The following ZMAT3 variants were observed in gnomAD, a reference collection of about 807,000 sequenced individuals.
ZMAT3 encodes the protein zinc finger matrin-type 3.
Under a neutral mutation model 32.3 loss-of-function variants are expected in ZMAT3, and 17 were observed. The ratio of observed to expected loss-of-function variants is 0.53; its 90% CI spans 0.36 to 0.79. The LOEUF is 0.79. Among genes scored for constraint, ZMAT3 ranks in the 30% least tolerant of loss-of-function variants. ZMAT3 has a pLI of 0.00. For missense variants in ZMAT3, 329 were observed against 359.7 expected (o/e 0.91, Z 0.69); for synonymous variants, 120 against 133.1 (o/e 0.90, Z 0.68).
chr3:179,045,232 C>T (rs1201948249), intron 2 of ZMAT3, among the ~76,000 whole-genome samples: 2 of 152,040 alleles, frequency 1.3e-5, no homozygotes, highest in African/African-American at 2.4e-5. Context: ...AAGTCTGGAA[C>T]AAAGTGGCTC....
chr3:179,032,008 C>A (rs1576841950), intron 2 of ZMAT3, among the ~76,000 whole-genome samples: 1 of 23,404 alleles, frequency 4.3e-5, no homozygotes, highest in African/African-American at 2.4e-4. Context: ...TCCCCCTCCC[C>A]CTCCTCCTCC....
At position 179,027,774 on chromosome 3, in the gene ZMAT3, G is replaced by T. The variant is rs376039062; in HGVS notation, c.429C>A (p.Ala143=). 4 of 1,613,644 alleles carry T rather than the reference G, an allele frequency of 2.5e-6. No homozygotes were observed. In the African/African-American group the frequency reaches 5.3e-5, roughly 22 times the overall value. ...SFKPGGRVIL[A]TENDYCKLCD... ...AGAGCTTACAGTAATCATTCTCCGT[G>T]GCCAGGATCACTCGGCCTCCTGGCT... is the stretch of plus-strand genomic sequence containing the variant. Residue 143 remains alanine, a synonymous_variant, in exon 4 of 6, where the codon GCC becomes GCA. Transcript: ENST00000311417.
rs1003090798 is a variant in ZMAT3, at chr3:179,017,292, C to T, written c.*7725G>A. ...AAATGCGTGTTATAATAATGTCAAGCCTTTATCAGAAATCAGTACATAAGT... is the reference window on the plus strand; with the variant it reads ...AAATGCGTGTTATAATAATGTCAAGTCTTTATCAGAAATCAGTACATAAGT... On this transcript the variant is annotated 3_prime_UTR_variant, in exon 6 of 6. Coordinates refer to ENST00000311417, the MANE Select transcript of ZMAT3 (RefSeq NM_022470.4). The T allele has an allele frequency of 1.3e-5, 2 of 152,070 alleles. No homozygotes were observed. Among genetic ancestry groups the T allele is most frequent in the African/African-American group, 4.8e-5 (2 of 41,408 alleles). 9.4% of individuals were successfully genotyped at this position (152,070 alleles called of 1,614,324 possible). A position where few individuals can be genotyped will look rare whatever the true frequency, so the allele number is the denominator to read the frequency against.
chr3:179,048,791 A>C (rs1720385087), intron 2 of ZMAT3, among the ~76,000 whole-genome samples: 2 of 149,128 alleles, frequency 1.3e-5, no homozygotes, highest in South Asian at 2.1e-4. Flanking sequence ...AAAAAAAAAA[A>C]CAGCACAATG....
Position 179,017,475 on chromosome 3 carries a change from T to C in ZMAT3, c.*7542A>G, listed in dbSNP as rs533256095. On this transcript the variant is annotated 3_prime_UTR_variant, in exon 6 of 6. Coordinates refer to ENST00000311417, the MANE Select transcript of ZMAT3 (RefSeq NM_022470.4). The stretch of plus-strand genomic sequence containing the variant: ...TGGTTTTAATCCCATGACACGTTTG[T>C]CATTCTGCAGCCCCAGAACACAGAC... The C allele has an allele frequency of 1.5e-4, 23 of 152,344 alleles. No individual in the cohort carries two copies. Among genetic ancestry groups the C allele is most frequent in the Middle Eastern group, 3.4e-3 (1 of 294 alleles). 9.4% of individuals were successfully genotyped at this position (152,344 alleles called of 1,614,324 possible). A position where few individuals can be genotyped will look rare whatever the true frequency, so the allele number is the denominator to read the frequency against.
At chr3:179,053,175 G>T (rs570975517) in intron 2 of ZMAT3, among the ~76,000 whole-genome samples, 1 of 149,768 alleles carries the variant, frequency 6.7e-6, no homozygotes, top group South Asian at 2.1e-4. Flanking sequence ...TAGAATATAG[G>T]TATAGATATA....
intron 2 of ZMAT3, among the ~76,000 whole-genome samples, chr3:179,037,433 G>T (rs774443817): frequency 6.6e-5 from 10 of 152,130 alleles, no homozygotes; most frequent in Non-Finnish European, 1.5e-4. Context: ...GAAGCTGCTG[G>T]CAACACACCC....
At chr3:179,043,438 TC>T (rs1720062030) in intron 2 of ZMAT3, among the ~76,000 whole-genome samples, 1 of 152,186 alleles carries the variant, frequency 6.6e-6, no homozygotes, top group Non-Finnish European at 1.5e-5. Flanking sequence ...AACCATCTGA[TC>T]TTTGACAAAC....
chr3:179,031,950 TCCCCC>T (rs1719237025), intron 2 of ZMAT3, among the ~76,000 whole-genome samples: 1 of 2,682 alleles, frequency 3.7e-4, no homozygotes, highest in African/African-American at 1.3e-3. Flanking sequence ...CCCCTCCCCC[TCCCCC>T]TCCCCCTCCT....
intron 2 of ZMAT3, among the ~76,000 whole-genome samples, chr3:179,047,524 A>G (rs1720306324): frequency 6.6e-6 from 1 of 152,234 alleles, no homozygotes; most frequent in African/African-American, 2.4e-5. Context: ...GAATTGCCAG[A>G]AAAAGAATTC....
intron 2 of ZMAT3, among the ~76,000 whole-genome samples, chr3:179,041,388 G>A (rs1576852812): frequency 6.6e-6 from 1 of 152,304 alleles, no homozygotes; most frequent in East Asian, 1.9e-4. Context: ...CTGCATCTCA[G>A]ACCACAGTGC....
At chr3:179,058,102 C>T (rs1202747460) in intron 2 of ZMAT3, among the ~76,000 whole-genome samples, 1 of 152,164 alleles carries the variant, frequency 6.6e-6, no homozygotes, top group East Asian at 1.9e-4. Flanking sequence ...AAAGGGTTAG[C>T]CTCATTGTTT....
chr3:179,057,255 T>C (rs1720894803), intron 2 of ZMAT3, among the ~76,000 whole-genome samples: 1 of 152,200 alleles, frequency 6.6e-6, no homozygotes, highest in Non-Finnish European at 1.5e-5. Context: ...ATGAGGCTGC[T>C]GTCCCTCTAT....
At chr3:179,072,397 T>G (rs907493890), upstream of ZMAT3, 1 of 151,992 alleles carries the variant, frequency 6.6e-6, no homozygotes, top group African/African-American at 2.4e-5. Context: ...GAGGAGACTT[T>G]CTCCTGACCC....
At position 179,045,108 on chromosome 3, in the gene ZMAT3, G is replaced by C. The variant is rs1292280669; in HGVS notation, c.271-14109C>G. Among the ~76,000 whole-genome samples, 3 of 151,894 alleles carry C rather than the reference G, an allele frequency of 2.0e-5. No individual in the cohort carries two copies. The East Asian group carries it at 5.8e-4, about 29-fold the overall frequency. ...GTTACCTAGACGAGTCGGTGATAGA[G>C]AGCAAAGGACAAACCTCTAAGACAC... On this transcript the variant is annotated intron_variant, in intron 2 of 5. Transcript: ENST00000311417.
Position 179,069,734 on chromosome 3 carries a change from T to G in ZMAT3, c.-58+1861A>C, listed in dbSNP as rs530673171. ...CAGCGTGATGGGAAAATAATGTAGT[T>G]AAGGACAAAGTGCATAAGTATTAGT... On this transcript the variant is annotated intron_variant, in intron 1 of 5. Coordinates refer to ENST00000311417, the MANE Select transcript of ZMAT3 (RefSeq NM_022470.4). Among the ~76,000 whole-genome samples the G allele has an allele frequency of 1.4e-3, 215 of 152,306 alleles. 1 individual carries two copies. The highest frequency in any genetic ancestry group is 5.0e-3 in the African/African-American group (206 of 41,560).
In ZMAT3 at chr3:179,046,515, G is replaced by A. The variant is rs1720245944; in HGVS notation, c.271-15516C>T. 6.6e-6 allele frequency among the ~76,000 whole-genome samples: 1 copy of A among 152,194 alleles called. No individual in the cohort carries two copies. The highest frequency in any genetic ancestry group is 1.5e-5 in the Non-Finnish European group (1 of 68,042). ...AGCGGAGGGTATTCACAGGCCCTTT[G>A]AAGGAGGCGGATTGCCACTGCAGAC... On this transcript the variant is annotated intron_variant, in intron 2 of 5. Transcript: ENST00000311417. This position sits in a 1 kb window ranked among gnomAD's most constrained non-coding sequence, Gnocchi z 4.3.
At chr3:179,053,936 T>G (rs1032228716) in intron 2 of ZMAT3, among the ~76,000 whole-genome samples, 37 of 152,186 alleles carry the variant, frequency 2.4e-4, no homozygotes, top group Non-Finnish European at 2.4e-4. Context: ...ATTAATGAAA[T>G]GTAAACAGTA....
At chr3:179,051,854 A>T (rs1273295259) in intron 2 of ZMAT3, among the ~76,000 whole-genome samples, 1 of 152,240 alleles carries the variant, frequency 6.6e-6, no homozygotes, top group East Asian at 1.9e-4. Flanking sequence ...AACAGAATAG[A>T]GAACCCAGAA....
Sources: gnomAD v4.1 joint callset for allele counts (sites outside exome capture counted in the v4.1 genomes callset) on GRCh38, gnomAD v4.1.1 for gene constraint, Gnocchi (gnomAD v3.1) non-coding constraint, MANE v1.5 for transcripts, NCBI Gene and HGNC (gene_info 2026-07-23, HGNC 2026-07-21) for gene names.